Variants in SRCAP observed in about 807,000 individuals in gnomAD.
SRCAP encodes the protein chromatin remodeling protein SRCAP.
SRCAP carries 46 observed loss-of-function variants against 263.1 expected under a neutral mutation model. The observed-to-expected ratio is 0.17, with a 90% CI of 0.14 to 0.22. The LOEUF is 0.22. Ranked by LOEUF, SRCAP falls within the 10% of genes least tolerant of loss-of-function variation. SRCAP has a pLI of 1.00. For missense variants in SRCAP, 3,695 were observed against 4,181.9 expected (o/e 0.88, Z 3.21); for synonymous variants, 1,813 against 1,662.1 (o/e 1.09, Z -2.21).
At position 30,739,621 on chromosome 16, in the gene SRCAP, G is replaced by A. The variant is rs368382734; in HGVS notation, c.9581G>A (p.Arg3194His). The A allele has an allele frequency of 5.7e-6, 9 of 1,590,790 alleles. No homozygotes were observed. In the African/African-American group the frequency reaches 8.1e-5, roughly 14 times the overall value. The part of the protein sequence containing the change: ...DGTPRRRPGP[R>H]RLVGTTNQGD... ...ACCCCACGCCGACGTCCTGGCCCCC[G>A]CCGGCTTGTTGGGACCACCAACCAA... The change falls in exon 34 of 34, where the codon CGC becomes CAC. Residue 3194 changes from arginine to histidine, a missense_variant. Physicochemically the swap from Arg to His is conservative, Grantham distance 29 (BLOSUM62 0). Transcript: ENST00000262518.
chr16:30,707,700 C>T lies in SRCAP; in HGVS notation c.621C>T (p.Ser207=), dbSNP rs2052843025. ...TMAKDVRQFW[S]NVEKVVQFKQ... Reference sequence around the variant, plus strand: ...CCAAGGATGTCAGGCAGTTCTGGAGCAATGTGGAGAAGGTAGACAGTGGGG... The same window carrying T: ...CCAAGGATGTCAGGCAGTTCTGGAGTAATGTGGAGAAGGTAGACAGTGGGG... The change falls in exon 6 of 34, where the codon AGC becomes AGT. Residue 207 remains serine (S), a synonymous_variant. Coordinates refer to ENST00000262518, the MANE Select transcript of SRCAP (RefSeq NM_006662.3). The T allele has an allele frequency of 2.5e-6, 4 of 1,614,050 alleles. No individual in the cohort carries two copies. Among genetic ancestry groups the T allele is most frequent in the Non-Finnish European group, 3.4e-6 (4 of 1,180,024 alleles).
Position 30,738,724 on chromosome 16 carries a change from T to G in SRCAP, c.8684T>G (p.Val2895Gly). Reference protein sequence around the residue: ...LKGKTNGADPVPGPETLIVAD... With the variant: ...LKGKTNGADPGPGPETLIVAD... ...GGAAAAACCAATGGGGCTGACCCAG[T>G]CCCTGGGCCTGAGACCCTAATTGTT... The change falls in exon 34 of 34, where the codon GTC becomes GGC. Residue 2895 changes from valine (V) to glycine (G), a missense_variant. Coordinates refer to ENST00000262518, the MANE Select transcript of SRCAP (RefSeq NM_006662.3). 1.5e-5 allele frequency: 25 copies of G among 1,614,032 alleles called. No individual in the cohort carries two copies. The highest frequency in any genetic ancestry group is 2.1e-5 in the Non-Finnish European group (25 of 1,179,980).
At chr16:30,712,928 A>C in intron 14 of SRCAP, 113 bp downstream of exon 14, 1 of 1,368,072 alleles carries the variant, frequency 7.3e-7, no homozygotes, top group South Asian at 1.6e-5. Context: ...AAATTTTTTA[A>C]TTTTTTGTAA....
chr16:30,714,031 A>C (rs1318592597), intron 16 of SRCAP, among the ~76,000 whole-genome samples: 3 of 143,604 alleles, frequency 2.1e-5, no homozygotes, highest in Non-Finnish European at 4.5e-5. Context: ...CCGAGTAGCC[A>C]GGACTACAGG....
chr16:30,730,622 G>C (rs1446151256), intron 27 of SRCAP, among the ~76,000 whole-genome samples: 2 of 151,920 alleles, frequency 1.3e-5, no homozygotes, highest in African/African-American at 4.8e-5. Context: ...AGTAGACACG[G>C]GGTTTCACCA....
At chr16:30,723,355 C>T (rs1404834023) in intron 24 of SRCAP, 126 bp downstream of exon 24, 10 of 1,438,930 alleles carry the variant, frequency 6.9e-6, no homozygotes, top group Admixed American at 2.6e-5. Flanking sequence ...TTGTAGTGGG[C>T]CCCAGAACTG....
In SRCAP at chr16:30,738,829, T is replaced by C; in HGVS notation, c.8789T>C (p.Leu2930Pro). The C allele has an allele frequency of 9.3e-6, 15 of 1,613,792 alleles. No homozygotes were observed. Among genetic ancestry groups the C allele is most frequent in the Non-Finnish European group, 1.3e-5 (15 of 1,179,926 alleles). Residue 2930 changes from leucine (L) to proline (P), a missense_variant, in exon 34 of 34, where the codon CTC (leucine) becomes CCC (proline). This residue lies in a region of SRCAP where 1,207 missense variants were observed against 1,142.9 expected (regional missense o/e 1.06). Coordinates refer to ENST00000262518, the MANE Select transcript of SRCAP (RefSeq NM_006662.3). ...CAGCCAGTTCACAGACCCAATCCCC[T>C]CCTGTCACCTGTGGAGAAAAGAAGG... ...GPQPVHRPNP[L>P]LSPVEKRRRG...
intron 8 of SRCAP, 45 bp downstream of exon 8, chr16:30,710,173 G>T: frequency 6.3e-7 from 1 of 1,585,302 alleles, no homozygotes; most frequent in East Asian, 2.2e-5. Context: ...GGGGAACAGA[G>T]GGAGAGGTTC....
At position 30,720,663 on chromosome 16, in the gene SRCAP, C is replaced by T. The variant is rs376141535; in HGVS notation, c.2988-50C>T. 4.4e-5 allele frequency: 67 copies of T among 1,506,548 alleles called. No individual in the cohort carries two copies. The African/African-American group carries it at 8.0e-4, about 18-fold the overall frequency. 93.3% of individuals were successfully genotyped at this position (1,506,548 alleles called of 1,614,324 possible). On this transcript the variant is annotated intron_variant, in intron 19 of 33. Coordinates refer to ENST00000262518, the MANE Select transcript of SRCAP (RefSeq NM_006662.3). ...TTTCTTCTTTTCTTTGATATTGCTACCCCTTATTCTCCTTCTGTCCCTACC... is the reference window on the plus strand; with the variant it reads ...TTTCTTCTTTTCTTTGATATTGCTATCCCTTATTCTCCTTCTGTCCCTACC...
intron 16 of SRCAP, among the ~76,000 whole-genome samples, chr16:30,715,129 G>A (rs2052934227): frequency 6.6e-6 from 1 of 152,128 alleles, no homozygotes; most frequent in Non-Finnish European, 1.5e-5. Flanking sequence ...CACTTGACCT[G>A]TATTTAAATT....
chr16:30,712,649 C>G, intron 13 of SRCAP, 30 bp from the exon 14 acceptor site: 1 of 1,613,642 alleles, frequency 6.2e-7, no homozygotes. Context: ...TTTACATTTC[C>G]TTACCATCTC....
intron 16 of SRCAP, among the ~76,000 whole-genome samples, chr16:30,714,848 C>T: frequency 6.6e-6 from 1 of 151,980 alleles, no homozygotes; most frequent in East Asian, 1.9e-4. Context: ...TGTTTTTGTC[C>T]TTACTGTCTT....
At chr16:30,711,473 A>C in intron 10 of SRCAP, 98 bp from the exon 11 acceptor site, 1 of 1,265,312 alleles carries the variant, frequency 7.9e-7, no homozygotes, top group Non-Finnish European at 1.1e-6. Context: ...TGGGCCTAGC[A>C]GTATCTACAG....
At chr16:30,704,456 C>A in intron 4 of SRCAP, 141 bp downstream of exon 4, 1 of 997,768 alleles carries the variant, frequency 1.0e-6, no homozygotes, top group Non-Finnish European at 1.4e-6. Flanking sequence ...TGATCGTGAG[C>A]AAACTGCTTG....
In SRCAP at chr16:30,739,509, C is replaced by G. The variant is rs758915611; in HGVS notation, c.9469C>G (p.Leu3157Val). 6.2e-7 allele frequency: 1 copy of G among 1,613,126 alleles called. No homozygotes were observed. Among genetic ancestry groups the G allele is most frequent in the Non-Finnish European group, 8.5e-7 (1 of 1,179,674 alleles). ...TCCTGGGCTGGCAAAGCGGGGCCGC[C>G]TACAGCCCCCAAGTCCCCTGGGGCC... ...GSPGLAKRGR[L>V]QPPSPLGPEG... The change falls in exon 34 of 34, where the codon CTA becomes GTA. Residue 3157 changes from leucine to valine, a missense_variant. Physicochemically the swap from Leu to Val is conservative, Grantham distance 32. Coordinates refer to ENST00000262518, the MANE Select transcript of SRCAP (RefSeq NM_006662.3).
At position 30,723,158 on chromosome 16, in the gene SRCAP, C is replaced by G. The variant is rs372507463; in HGVS notation, c.4088C>G (p.Ala1363Gly). The change falls in exon 24 of 34, where the codon GCC (alanine) becomes GGC (glycine). Residue 1363 changes from alanine (A) to glycine (G), a missense_variant. Transcript: ENST00000262518. Reference protein sequence around the residue: ...LPTPTLGTARAPMPTPTLVRP... With the variant: ...LPTPTLGTARGPMPTPTLVRP... ...ACACCTACTCTGGGTACTGCTCGAG[C>G]CCCCATGCCCACACCCACTCTGGTG... 1.4e-4 allele frequency: 220 copies of G among 1,614,116 alleles called. 3 individuals are homozygous for G. In the South Asian group the frequency reaches 2.3e-3, roughly 17 times the overall value.
intron 4 of SRCAP, among the ~76,000 whole-genome samples, chr16:30,706,904 C>T (rs1350370723): frequency 6.6e-6 from 1 of 152,164 alleles, no homozygotes; most frequent in Non-Finnish European, 1.5e-5. Context: ...AATTTGCTGT[C>T]TGGAGTCCTC....
rs779991553 is a variant in SRCAP, at chr16:30,739,014, A to G, written c.8974A>G (p.Thr2992Ala). The stretch of plus-strand genomic sequence containing the variant: ...TTGTCCCACTGCTACTGTTGCCAAC[A>G]CTGTCACCACTGTCACCATTTCAAC... Reference protein sequence around the residue: ...LVCPTATVANTVTTVTISTSP... With the variant: ...LVCPTATVANAVTTVTISTSP... The change falls in exon 34 of 34, where the codon ACT becomes GCT. Residue 2992 changes from threonine (T) to alanine (A), a missense_variant. This residue lies in a region of SRCAP where 1,207 missense variants were observed against 1,142.9 expected (regional missense o/e 1.06). Transcript: ENST00000262518. 8 of 1,613,592 alleles carry G rather than the reference A, an allele frequency of 5.0e-6. No homozygotes were observed. The Admixed American group carries it at 5.0e-5, about 10-fold the overall frequency.
Position 30,724,703 on chromosome 16 carries a change from T to C in SRCAP, c.5279T>C (p.Val1760Ala). Residue 1760 changes from valine to alanine, a missense_variant, in exon 25 of 34, where the codon GTG becomes GCG. Coordinates refer to ENST00000262518, the MANE Select transcript of SRCAP (RefSeq NM_006662.3). ...CCCCCTCTGGCTCCAGCTTCTCCAGTGGGCCCAGCCCCAGCTCACACGCTG... is the reference window on the plus strand; with the variant it reads ...CCCCCTCTGGCTCCAGCTTCTCCAGCGGGCCCAGCCCCAGCTCACACGCTG... Reference protein sequence around the residue: ...PAPPLAPASPVGPAPAHTLTL... With the variant: ...PAPPLAPASPAGPAPAHTLTL... The C allele has an allele frequency of 6.2e-7, 1 of 1,614,106 alleles. No homozygotes were observed. Among genetic ancestry groups the C allele is most frequent in the Non-Finnish European group, 8.5e-7 (1 of 1,180,016 alleles).
Sources: allele counts gnomAD v4.1 joint callset (sites outside exome capture counted in the v4.1 genomes callset), GRCh38; gene constraint gnomAD v4.1.1; regional missense constraint gnomAD v4.1.1; transcripts MANE v1.5; gene names NCBI Gene and HGNC (gene_info 2026-07-23, HGNC 2026-07-21).